The following PCGF2 variants were observed in gnomAD, a reference collection of about 807,000 sequenced individuals.
PCGF2 encodes polycomb group RING finger protein 2.
PCGF2 carries 8 observed loss-of-function variants against 36.1 expected under a neutral mutation model. The observed-to-expected ratio is 0.22, with a 90% CI of 0.13 to 0.40. The LOEUF is 0.40. PCGF2 is among the 10% of genes least tolerant of loss of function. The pLI, the probability that PCGF2 is intolerant of heterozygous loss-of-function variation, is 1.00. For synonymous variants in PCGF2, 198 were observed against 191.2 expected (o/e 1.04, Z -0.29); for missense variants, 436 against 475.9 (o/e 0.92, Z 0.78).
At chr17:38,745,745 C>G (rs901844640) in intron 2 of PCGF2, among the ~76,000 whole-genome samples, 1 of 152,198 alleles carries the variant, frequency 6.6e-6, no homozygotes, top group African/African-American at 2.4e-5. Context: ...AAGAGCAGCT[C>G]CCTGGAGTGG....
At position 38,739,178 on chromosome 17, in the gene PCGF2, G is replaced by A; in HGVS notation, c.265+20C>T. 1 of 1,613,978 alleles carries A rather than the reference G, an allele frequency of 6.2e-7. No homozygotes were observed. The highest frequency in any genetic ancestry group is 1.1e-5 in the South Asian group (1 of 91,080). ...GGGTTGGGAAATGGGGTCAGTGGAG[G>A]AGGAATGGAGTGCAGATACCTTTAA... On this transcript the variant is annotated intron_variant, in intron 5 of 10. Transcript: ENST00000620225. This position sits in a 1 kb window ranked among gnomAD's most constrained non-coding sequence, Gnocchi z 4.0.
Position 38,735,386 on chromosome 17 carries a change from C to G in PCGF2, c.872G>C (p.Gly291Ala). 1 of 1,567,722 alleles carries G rather than the reference C, an allele frequency of 6.4e-7. No homozygotes were observed. The highest frequency in any genetic ancestry group is 8.7e-7 in the Non-Finnish European group (1 of 1,155,534). ...GGAGGTAGGGTGGGTGGCTGGAGGC[C>G]CATGGGAACTGGGAGAGCCATGGGA... ...TPSHGSPSSH[G>A]PPATHPTSPT... The change falls in exon 11 of 11, where the codon GGG becomes GCG. Residue 291 changes from glycine (G) to alanine (A), a missense_variant. Coordinates refer to ENST00000620225, the MANE Select transcript of PCGF2 (RefSeq NM_007144.3).
chr17:38,738,897 T>G (rs1906976340), intron 6 of PCGF2, 36 bp from the exon 7 acceptor site: 1 of 1,582,824 alleles, frequency 6.3e-7, no homozygotes, highest in Admixed American at 1.7e-5. Context: ...TGGCGGAGGA[T>G]GTAGGAAGGG....
chr17:38,735,397 G>A lies in PCGF2; in HGVS notation c.861C>T (p.Pro287=), dbSNP rs1446485638. 1.3e-6 allele frequency: 2 copies of A among 1,571,382 alleles called. No homozygotes were observed. Among genetic ancestry groups the A allele is most frequent in the South Asian group, 2.3e-5 (2 of 85,806 alleles). The part of the protein sequence containing the change: ...PSPATPSHGS[P]SSHGPPATHP... ...GGGTGGCTGGAGGCCCATGGGAACT[G>A]GGAGAGCCATGGGATGGGGTGGCTG... Residue 287 remains proline (P), a synonymous_variant, in exon 11 of 11, where the codon CCC becomes CCT. Coordinates refer to ENST00000620225, the MANE Select transcript of PCGF2 (RefSeq NM_007144.3).
At chr17:38,749,526 C>T (rs771209502), upstream of PCGF2, 1 of 431,048 alleles carries the variant, frequency 2.3e-6, no homozygotes, top group African/African-American at 2.0e-5. This position sits in a 1 kb window ranked among gnomAD's most constrained non-coding sequence, Gnocchi z 6.5. Flanking sequence ...TTCCCTCATT[C>T]GTTATTCACG....
rs142119022 is a variant in PCGF2 at position 38,738,957 on chromosome 17, AC to A, written c.317-97del. 63 of 1,531,852 alleles carry A rather than the reference AC, an allele frequency of 4.1e-5. No homozygotes were observed. In the African/African-American group the frequency reaches 8.3e-4, roughly 20 times the overall value. 94.9% of individuals were successfully genotyped at this position (1,531,852 alleles called of 1,614,324 possible). ...TGAACTCAGCCAGGTGAGCCCAGCC[AC>A]CTTCTGGAGAGGTGTGCGCGGAGGA... On this transcript the variant is annotated intron_variant, in intron 6 of 10. Transcript: ENST00000620225.
Position 38,736,110 on chromosome 17 carries a change from A to T in PCGF2, c.637T>A (p.Tyr213Asn). The change falls in exon 10 of 11, where the codon TAC becomes AAC. Residue 213 changes from tyrosine to asparagine, a missense_variant. Transcript: ENST00000620225. ...KEYYTLMDIA[Y>N]IYPWRRNGPL... ...CTCACCCGCCGCCAGGGGTAGATGTAGGCGATGTCCATGAGGGTGTAGTAT... is the reference window on the plus strand; with the variant it reads ...CTCACCCGCCGCCAGGGGTAGATGTTGGCGATGTCCATGAGGGTGTAGTAT... 1.3e-6 allele frequency: 2 copies of T among 1,582,972 alleles called. No homozygotes were observed. Among genetic ancestry groups the T allele is most frequent in the East Asian group, 2.3e-5 (1 of 43,808 alleles).
rs770516158 is a variant in PCGF2, at chr17:38,739,674, T to C, written c.121A>G (p.Thr41Ala). ...GTCTCCAGGTAGCGCACGATGCAGG[T>C]TTTGCAGACTTGGGGGTGTGGAGAG... ...IVECLHSFCK[T>A]CIVRYLETNK... Residue 41 changes from threonine to alanine, a missense_variant, in exon 4 of 11, where the codon ACC becomes GCC. Thr to Ala is a moderately conservative substitution (Grantham distance 58). Around this residue, in one of 3 missense-constraint regions of PCGF2, gnomAD observed 189 missense variants for 219.3 expected, o/e 0.86. Coordinates refer to ENST00000620225, the MANE Select transcript of PCGF2 (RefSeq NM_007144.3). The surrounding 1 kb of genome is among the most constrained non-coding windows in gnomAD (Gnocchi z 4.0). 6.2e-7 allele frequency: 1 copy of C among 1,613,584 alleles called. No homozygotes were observed. Among genetic ancestry groups the C allele is most frequent in the South Asian group, 1.1e-5 (1 of 91,070 alleles).
intron 9 of PCGF2, among the ~76,000 whole-genome samples, chr17:38,737,043 A>G (rs1468172881): frequency 6.6e-6 from 1 of 151,986 alleles, no homozygotes; most frequent in Non-Finnish European, 1.5e-5. Flanking sequence ...AGGTGGGAGA[A>G]TCGCTTGAGC....
At chr17:38,736,256 T>C in intron 9 of PCGF2, 86 bp from the exon 10 acceptor site, 5 of 775,982 alleles carry the variant, frequency 6.4e-6, no homozygotes, top group Non-Finnish European at 1.1e-5. Context: ...GGCGGGGCAA[T>C]GGGAAGGGTG....
rs1393892357 is a variant in PCGF2, at chr17:38,735,463, G to A, written c.795C>T (p.Ser265=). The part of the protein sequence containing the change: ...ECESVSDKAP[S]PATLPATSSS... The stretch of plus-strand genomic sequence containing the variant: ...AGGAGGTGGCTGGCAGGGTGGCAGG[G>A]CTGGGAGCCTTGTCGCTGACTGACT... The change falls in exon 11 of 11, where the codon AGC becomes AGT. Residue 265 remains serine, a synonymous_variant. Transcript: ENST00000620225. The A allele has an allele frequency of 1.3e-6, 2 of 1,589,998 alleles. No homozygotes were observed. Among genetic ancestry groups the A allele is most frequent in the Non-Finnish European group, 8.6e-7 (1 of 1,168,228 alleles).
intron 9 of PCGF2, 104 bp downstream of exon 9, chr17:38,738,249 G>A: frequency 1.0e-6 from 1 of 953,324 alleles, no homozygotes; most frequent in Admixed American, 2.0e-5. Context: ...AACCGCGCAA[G>A]CCCTGGGTGA....
chr17:38,745,889 AG>A (rs1456610055), intron 2 of PCGF2, among the ~76,000 whole-genome samples: 2 of 152,196 alleles, frequency 1.3e-5, no homozygotes, highest in Non-Finnish European at 2.9e-5. Flanking sequence ...TCCTACACAT[AG>A]GGAAACAGAG....
At chr17:38,740,942 C>A (rs1023223106) in intron 2 of PCGF2, among the ~76,000 whole-genome samples, 3 of 152,110 alleles carry the variant, frequency 2.0e-5, no homozygotes, top group Admixed American at 1.3e-4. Context: ...GGTGCCCAGG[C>A]TCTGGAGAGT....
Position 38,740,310 on chromosome 17 carries a change from G to C in PCGF2, c.93C>G (p.Ile31Met), listed in dbSNP as rs774651597. 5 of 1,612,466 alleles carry C rather than the reference G, an allele frequency of 3.1e-6. No homozygotes were observed. In the Admixed American group the frequency reaches 8.3e-5, roughly 27 times the overall value. ...ACTCACAGGAATGCAGGCACTCCAC[G>C]ATAGTGGTGGCGTCGATGAAGTACC... is the stretch of plus-strand genomic sequence containing the variant. ...CGGYFIDATT[I>M]VECLHSFCKT... Residue 31 changes from isoleucine (I) to methionine (M), a missense_variant, in exon 3 of 11, where the codon ATC becomes ATG. By Grantham distance (10) the Ile-to-Met change is conservative. This residue lies in a region of PCGF2 where 189 missense variants were observed against 219.3 expected (regional missense o/e 0.86). Transcript: ENST00000620225.
In PCGF2 at chr17:38,740,213, A is replaced by G; in HGVS notation, c.112+78T>C. 3.1e-6 allele frequency: 4 copies of G among 1,302,898 alleles called. No homozygotes were observed. The East Asian group carries it at 7.0e-5, about 23-fold the overall frequency. 80.7% of individuals were successfully genotyped at this position (1,302,898 alleles called of 1,614,324 possible). On this transcript the variant is annotated intron_variant, in intron 3 of 10. Transcript: ENST00000620225. ...TCTTTAGGGCAAGGGTTTGCGTGCTACCTTCCTCAGGCCGTGCCCGCCCCA... is the reference window on the plus strand; with the variant it reads ...TCTTTAGGGCAAGGGTTTGCGTGCTGCCTTCCTCAGGCCGTGCCCGCCCCA...
At chr17:38,749,714 C>T (rs965424935), upstream of PCGF2, 2 of 455,590 alleles carry the variant, frequency 4.4e-6, no homozygotes, top group African/African-American at 4.0e-5. This position sits in a 1 kb window ranked among gnomAD's most constrained non-coding sequence, Gnocchi z 6.5. Flanking sequence ...CCAAGGCAGC[C>T]GCGAAGCTGG....
In PCGF2 at chr17:38,740,282, C is replaced by A. The variant is rs776023319; in HGVS notation, c.112+9G>T. ...CCCACCCTGAGCAGCTCCCCTCCCC[C>A]CAACTCACAGGAATGCAGGCACTCC... On this transcript the variant is annotated intron_variant, in intron 3 of 10. Coordinates refer to ENST00000620225, the MANE Select transcript of PCGF2 (RefSeq NM_007144.3). The A allele has an allele frequency of 3.7e-6, 6 of 1,611,778 alleles. No homozygotes were observed. The highest frequency in any genetic ancestry group is 2.2e-5 in the South Asian group (2 of 91,014).
chr17:38,740,483 G>T, intron 2 of PCGF2, 41 bp from the exon 3 acceptor site: 3 of 1,483,852 alleles, frequency 2.0e-6, no homozygotes, highest in Non-Finnish European at 2.7e-6. Flanking sequence ...GAGTTGGCCG[G>T]GCGCGGTGGT....
Sources: gnomAD v4.1 joint callset for allele counts (sites outside exome capture counted in the v4.1 genomes callset) on GRCh38, gnomAD v4.1.1 for gene constraint, gnomAD v4.1.1 regional missense constraint, Gnocchi (gnomAD v3.1) non-coding constraint, MANE v1.5 for transcripts, NCBI Gene and HGNC (gene_info 2026-07-23, HGNC 2026-07-21) for gene names.